The following UNC13C variants were observed in gnomAD, a reference collection of about 807,000 sequenced individuals.
The protein encoded by UNC13C is protein unc-13 homolog C.
Under a neutral mutation model 245.4 loss-of-function variants are expected in UNC13C, and 174 were observed. The ratio of observed to expected loss-of-function variants is 0.71; its 90% CI spans 0.63 to 0.80. UNC13C has a LOEUF of 0.80. UNC13C is among the 30% of genes least tolerant of loss of function. UNC13C has a pLI of 0.00. For missense variants in UNC13C, 2,829 were observed against 2,602.9 expected, an observed-to-expected ratio of 1.09 and a Z score of -1.89; for synonymous variants, 992 against 895.1, an observed-to-expected ratio of 1.11 and a Z score of -1.93.
chr15:54,445,553 T>C (rs955533803), intron 19 of UNC13C, among the ~76,000 whole-genome samples: 2 of 152,228 alleles, frequency 1.3e-5, no homozygotes, highest in East Asian at 1.9e-4. Context: ...CCAGTGATGA[T>C]GAGCAATTTT....
chr15:54,557,119 G>A (rs1244740071), intron 29 of UNC13C, among the ~76,000 whole-genome samples: 3 of 151,860 alleles, frequency 2.0e-5, no homozygotes, highest in Non-Finnish European at 2.9e-5. Flanking sequence ...ACCAGACACC[G>A]GCCTTGTTCT....
chr15:54,455,397 A>T (rs1045313879), intron 19 of UNC13C, among the ~76,000 whole-genome samples: 33 of 150,974 alleles, frequency 2.2e-4, no homozygotes, highest in Non-Finnish European at 4.3e-4. Flanking sequence ...TGCTGGATCA[A>T]ATGGTAGTTC....
intron 14 of UNC13C, among the ~76,000 whole-genome samples, chr15:54,326,956 A>G (rs993562486): frequency 6.6e-6 from 1 of 152,044 alleles, no homozygotes; most frequent in African/African-American, 2.4e-5. Flanking sequence ...GCTAAAAATC[A>G]AGGCTTTTTG....
intron 19 of UNC13C, among the ~76,000 whole-genome samples, chr15:54,453,555 A>G (rs1040408830): frequency 6.6e-6 from 1 of 152,224 alleles, no homozygotes; most frequent in African/African-American, 2.4e-5. Context: ...AAGTACTGTA[A>G]ATAATGCTAC....
At chr15:54,147,496 G>T (rs1034499551) in intron 4 of UNC13C, among the ~76,000 whole-genome samples, 2 of 152,304 alleles carry the variant, frequency 1.3e-5, no homozygotes, top group African/African-American at 4.8e-5. Flanking sequence ...TGGGATTACA[G>T]GCATGAGCCA....
intron 2 of UNC13C, among the ~76,000 whole-genome samples, chr15:54,125,364 G>A (rs1293952886): frequency 2.6e-5 from 4 of 152,186 alleles, no homozygotes; most frequent in African/African-American, 4.8e-5. Context: ...TCAGGAGGCT[G>A]AGGCAGGAGA....
chr15:53,947,985 T>C, the UNC13C span: 2 of 152,242 alleles, frequency 1.3e-5, no homozygotes, highest in Non-Finnish European at 2.9e-5. Context: ...TGTTTTAACT[T>C]TATCAGAAGG....
chr15:54,264,448 C>A lies in UNC13C; in HGVS notation c.3676+53C>A. The A allele has an allele frequency of 9.0e-6, 12 of 1,334,994 alleles. No individual in the cohort carries two copies. In the South Asian group the frequency reaches 1.3e-4, roughly 15 times the overall value. 82.7% of individuals were successfully genotyped at this position (1,334,994 alleles called of 1,614,324 possible). A position where few individuals can be genotyped will look rare whatever the true frequency, so the allele number is the denominator to read the frequency against. On this transcript the variant is annotated intron_variant, in intron 9 of 32. Transcript: ENST00000260323. ...TATTGTAAATTGAGATTTTTATGTGCCCTAGAAATAACTGCTAATAATAAT... is the reference window on the plus strand; with the variant it reads ...TATTGTAAATTGAGATTTTTATGTGACCTAGAAATAACTGCTAATAATAAT...
intron 17 of UNC13C, among the ~76,000 whole-genome samples, chr15:54,344,273 A>G (rs35561592): frequency 0.19 from 28,361 of 152,166 alleles, 3,095 homozygotes; most frequent in East Asian, 0.42. Flanking sequence ...AACAACAACA[A>G]TGATAAACGA....
At chr15:54,290,120 T>C (rs1176564202) in intron 10 of UNC13C, among the ~76,000 whole-genome samples, 1 of 152,114 alleles carries the variant, frequency 6.6e-6, no homozygotes, top group African/African-American at 2.4e-5. Context: ...GCCTCACTCT[T>C]ACCTTTGCTC....
At chr15:54,192,053 A>G (rs2034202953) in intron 4 of UNC13C, among the ~76,000 whole-genome samples, 1 of 152,010 alleles carries the variant, frequency 6.6e-6, no homozygotes, top group African/African-American at 2.4e-5. Context: ...ATTAGATCCC[A>G]TTTGTCAATT....
chr15:54,428,523 G>C (rs2040803222), intron 19 of UNC13C, among the ~76,000 whole-genome samples: 1 of 151,464 alleles, frequency 6.6e-6, no homozygotes. Flanking sequence ...TAGGAAAGTA[G>C]AGCCACCCTC....
chr15:54,280,470 A>G (rs1318243433), intron 10 of UNC13C, among the ~76,000 whole-genome samples: 3 of 151,564 alleles, frequency 2.0e-5, no homozygotes, highest in East Asian at 3.9e-4. Context: ...AATATTGACA[A>G]TAACATTCAG....
In UNC13C at chr15:54,309,084, G is replaced by C. The variant is rs184822598; in HGVS notation, c.4268+8711G>C. ...TAACTTTTTGAGGAAGCTTCTTACT[G>C]TTTGTCATAATTGCTGTAATAATTT... On this transcript the variant is annotated intron_variant, in intron 13 of 32. Transcript: ENST00000260323. Among the ~76,000 whole-genome samples, 14 of 151,884 alleles carry C rather than the reference G, an allele frequency of 9.2e-5. No individual in the cohort carries two copies. The East Asian group carries it at 2.3e-3, about 25-fold the overall frequency.
intron 2 of UNC13C, among the ~76,000 whole-genome samples, chr15:54,027,409 C>A (rs1283300734): frequency 6.6e-6 from 1 of 151,996 alleles, no homozygotes; most frequent in African/African-American, 2.4e-5. Context: ...CGCTCTGTCG[C>A]CCAGGGTGGA....
intron 25 of UNC13C, among the ~76,000 whole-genome samples, chr15:54,527,681 C>T (rs564272788): frequency 1.4e-4 from 22 of 152,050 alleles, no homozygotes; most frequent in Non-Finnish European, 2.9e-4. Context: ...TTGTATGAAG[C>T]CAGCTATTTT....
the UNC13C span, among the ~76,000 whole-genome samples, chr15:53,951,227 T>A: frequency 5.5e-4 from 84 of 152,358 alleles, 2 homozygotes; most frequent in Non-Finnish European, 9.1e-4. Flanking sequence ...TGACTTGGCA[T>A]CAGAAATGCC....
At chr15:54,349,760 A>G (rs2038939081) in intron 17 of UNC13C, among the ~76,000 whole-genome samples, 1 of 152,186 alleles carries the variant, frequency 6.6e-6, no homozygotes. Context: ...CATGTTTACT[A>G]GGATATTCAA....
At chr15:54,091,925 A>G (rs892955139) in intron 2 of UNC13C, among the ~76,000 whole-genome samples, 2 of 152,122 alleles carry the variant, frequency 1.3e-5, no homozygotes, top group South Asian at 4.1e-4. Flanking sequence ...CATCAACCAT[A>G]TTTCTTTTCT....
Sources: gnomAD v4.1 joint callset for allele counts (sites outside exome capture counted in the v4.1 genomes callset) on GRCh38, gnomAD v4.1.1 for gene constraint, MANE v1.5 for transcripts, NCBI Gene and HGNC (gene_info 2026-07-23, HGNC 2026-07-21) for gene names.